FRMD6: variants seen among roughly 807,000 people sequenced by gnomAD.
The protein encoded by FRMD6 is FERM domain-containing protein 6.
Under a neutral mutation model 73.2 loss-of-function variants are expected in FRMD6, and 37 were observed. That is an observed-to-expected ratio of 0.51 (90% confidence interval 0.39 to 0.66). The LOEUF (loss-of-function observed/expected upper bound fraction) is 0.66, where lower values mean the gene tolerates loss of function less well. FRMD6 is among the 30% of genes least tolerant of loss of function. The pLI, the probability that FRMD6 is intolerant of heterozygous loss-of-function variation, is 0.00. For missense variants in FRMD6, 714 were observed against 780.5 expected (o/e 0.91, Z 1.02); for synonymous variants, 273 against 282.2 (o/e 0.97, Z 0.33).
intron 1 of FRMD6, among the ~76,000 whole-genome samples, chr14:51,665,417 T>TC (rs1294739381): frequency 6.6e-6 from 1 of 152,182 alleles, no homozygotes; most frequent in African/African-American, 2.4e-5. Context: ...TATTTTTTTT[T>TC]CTCAGAGTTC....
rs76572293 is a variant in FRMD6, at chr14:51,613,216, G to C, written c.-147+42806G>C. On this transcript the variant is annotated intron_variant, in intron 2 of 14. Coordinates refer to the FRMD6 transcript ENST00000356218. The stretch of plus-strand genomic sequence containing the variant: ...GTGAGAAAGGTAATGTGGAGAAAGA[G>C]AGGCAAGTTGGGAGGTTATGACAAT... Among the ~76,000 whole-genome samples, 40 of 152,294 alleles carry C rather than the reference G, an allele frequency of 2.6e-4. No homozygotes were observed. The East Asian group carries it at 6.4e-3, about 24-fold the overall frequency.
chr14:51,462,229 G>A, the FRMD6 span, among the ~76,000 whole-genome samples: 23,912 of 152,254 alleles, frequency 0.16, 2,031 homozygotes, highest in Non-Finnish European at 0.18. Flanking sequence ...CATTTACTAA[G>A]TGTGTGATCC....
chr14:51,518,380 G>C (rs1596528931), intron 1 of FRMD6, among the ~76,000 whole-genome samples: 1 of 152,160 alleles, frequency 6.6e-6, no homozygotes, highest in East Asian at 1.9e-4. Flanking sequence ...CAGCGAAAAA[G>C]AATGCTGGAG....
chr14:51,625,449 C>CCTTATCTTTT (rs1450131685), intron 2 of FRMD6, among the ~76,000 whole-genome samples: 1 of 116,122 alleles, frequency 8.6e-6, no homozygotes, highest in Non-Finnish European at 1.9e-5. Flanking sequence ...TTGGGATTCC[C>CCTTATCTTTT]CTTATCTTTT....
the FRMD6 span, among the ~76,000 whole-genome samples, chr14:51,473,339 T>C: frequency 6.6e-6 from 1 of 152,228 alleles, no homozygotes; most frequent in Non-Finnish European, 1.5e-5. Context: ...CTTGTTGGTC[T>C]GTTGCAGTTT....
chr14:51,499,972 G>A (rs1221301286), intron 1 of FRMD6, among the ~76,000 whole-genome samples: 1 of 152,086 alleles, frequency 6.6e-6, no homozygotes, highest in Non-Finnish European at 1.5e-5. Context: ...GCCATGTCTT[G>A]GAAGACCTCA....
At chr14:51,403,486 T>C in the FRMD6 span, among the ~76,000 whole-genome samples, 4 of 152,258 alleles carry the variant, frequency 2.6e-5, 1 homozygote, top group South Asian at 8.3e-4. Context: ...CTGCAGCCTC[T>C]ACCTCCCTGG....
At chr14:51,671,227 C>T (rs915857782) in intron 1 of FRMD6, among the ~76,000 whole-genome samples, 1 of 152,074 alleles carries the variant, frequency 6.6e-6, no homozygotes, top group African/African-American at 2.4e-5. Flanking sequence ...TATAATGTCA[C>T]CTAGTTTGGG....
At position 51,574,151 on chromosome 14, in the gene FRMD6, C is replaced by T. The variant is rs138687417; in HGVS notation, c.-147+3741C>T. Among the ~76,000 whole-genome samples, 782 of 152,248 alleles carry T rather than the reference C, an allele frequency of 5.1e-3. 10 individuals are homozygous for T. The highest frequency in any genetic ancestry group is 0.024 in the Middle Eastern group (7 of 294). On this transcript the variant is annotated intron_variant, in intron 2 of 14. Coordinates refer to the FRMD6 transcript ENST00000356218. ...TCCTGTGCTTGCCCTGCCAGCCCTG[C>T]CCAGCCCTTATGGTTTTGTAAACAT...
intron 1 of FRMD6, among the ~76,000 whole-genome samples, chr14:51,555,759 G>A (rs1028355343): frequency 2.0e-5 from 3 of 149,282 alleles, no homozygotes; most frequent in Admixed American, 6.7e-5. Flanking sequence ...CAGAGATTGT[G>A]CCATTGCACT....
At chr14:51,434,039 A>G in the FRMD6 span, among the ~76,000 whole-genome samples, 1 of 152,220 alleles carries the variant, frequency 6.6e-6, no homozygotes, top group East Asian at 1.9e-4. Context: ...ACAAATAAAT[A>G]AAAACATTGT....
intron 5 of FRMD6, among the ~76,000 whole-genome samples, chr14:51,704,266 G>A (rs1014411756): frequency 2.0e-5 from 3 of 152,008 alleles, no homozygotes; most frequent in African/African-American, 7.2e-5. Context: ...TACTTATAAA[G>A]GGCCTTAGAG....
At chr14:51,628,898 A>G (rs1452215194) in intron 2 of FRMD6, among the ~76,000 whole-genome samples, 1 of 90,036 alleles carries the variant, frequency 1.1e-5, no homozygotes, top group African/African-American at 4.3e-5. Flanking sequence ...TTTTTTTGAG[A>G]CGGAGTCTCG....
chr14:51,463,273 T>C, the FRMD6 span, among the ~76,000 whole-genome samples: 2 of 152,340 alleles, frequency 1.3e-5, no homozygotes, highest in South Asian at 2.1e-4. Context: ...AAATCAAGAA[T>C]TGGTCAAGTC....
chr14:51,595,684 T>C (rs1889675365), intron 2 of FRMD6, among the ~76,000 whole-genome samples: 1 of 152,224 alleles, frequency 6.6e-6, no homozygotes, highest in Non-Finnish European at 1.5e-5. Flanking sequence ...GAATTGAAGA[T>C]AATATTGTAG....
chr14:51,462,824 G>A, the FRMD6 span, among the ~76,000 whole-genome samples: 1 of 152,210 alleles, frequency 6.6e-6, no homozygotes, highest in East Asian at 1.9e-4. Context: ...GAGAGAGAAA[G>A]GGAGAAGGGT....
chr14:51,501,718 A>C (rs1300307123), intron 1 of FRMD6, among the ~76,000 whole-genome samples: 1 of 152,134 alleles, frequency 6.6e-6, no homozygotes, highest in African/African-American at 2.4e-5. Flanking sequence ...ATATATATAT[A>C]TATCCTTTTG....
At chr14:51,628,163 T>G (rs1358713069) in intron 2 of FRMD6, among the ~76,000 whole-genome samples, 1 of 152,208 alleles carries the variant, frequency 6.6e-6, no homozygotes, top group Non-Finnish European at 1.5e-5. Context: ...TATGGAGATC[T>G]CACTGTATTT....
chr14:51,614,113 G>A (rs1454893246), intron 2 of FRMD6, among the ~76,000 whole-genome samples: 2 of 152,082 alleles, frequency 1.3e-5, no homozygotes, highest in Admixed American at 1.3e-4. Flanking sequence ...AAATACACAT[G>A]CACACAAAAT....
Sources: gnomAD v4.1 joint callset for allele counts (sites outside exome capture counted in the v4.1 genomes callset) on GRCh38, gnomAD v4.1.1 for gene constraint, MANE v1.5 for transcripts, NCBI Gene and HGNC (gene_info 2026-07-23, HGNC 2026-07-21) for gene names.